The following ERCC6L2 variants were observed in gnomAD, a reference collection of about 807,000 sequenced individuals.
The protein encoded by ERCC6L2 is DNA excision repair protein ERCC-6-like 2.
ERCC6L2 carries 77 observed loss-of-function variants against 132.0 expected under a neutral mutation model. The ratio of observed to expected loss-of-function variants is 0.58; its 90% CI spans 0.49 to 0.71. The LOEUF (loss-of-function observed/expected upper bound fraction) is 0.71, where lower values mean the gene tolerates loss of function less well. ERCC6L2 is among the 30% of genes least tolerant of loss of function. ERCC6L2 has a pLI of 0.00. For synonymous variants in ERCC6L2, 583 were observed against 632.4 expected, an observed-to-expected ratio of 0.92 and a Z score of 1.17; for missense variants, 1,542 against 1,837.6, an observed-to-expected ratio of 0.84 and a Z score of 2.94.
intron 19 of ERCC6L2, among the ~76,000 whole-genome samples, chr9:96,026,896 CACACACTACACCAA>C (rs1834379139): frequency 1.4e-5 from 2 of 144,102 alleles, no homozygotes. Context: ...CATACCACAA[CACACACTACACCAA>C]ACACACCACA....
intron 12 of ERCC6L2, among the ~76,000 whole-genome samples, chr9:95,944,522 T>G (rs1433921130): frequency 6.6e-6 from 1 of 152,188 alleles, no homozygotes; most frequent in South Asian, 2.1e-4. Context: ...GTAAATCGTT[T>G]TGTATGTTTT....
intron 4 of ERCC6L2, among the ~76,000 whole-genome samples, chr9:95,909,192 T>G (rs958478341): frequency 2.0e-5 from 3 of 152,194 alleles, no homozygotes; most frequent in African/African-American, 7.2e-5. Context: ...ACTTTTTCTG[T>G]AAAGGGCCAG....
At chr9:96,007,797 A>C (rs921497630) in intron 18 of ERCC6L2, among the ~76,000 whole-genome samples, 1 of 152,166 alleles carries the variant, frequency 6.6e-6, no homozygotes, top group Non-Finnish European at 1.5e-5. Flanking sequence ...GGCCAGTGGT[A>C]ATGGATGACA....
rs546718068 is a variant in ERCC6L2 at position 95,982,372 on chromosome 9, G to A, written c.3492+4157G>A. On this transcript the variant is annotated intron_variant, in intron 17 of 18. Transcript: ENST00000653738. Reference sequence around the variant, plus strand: ...TACTTAAAGGATTTCTGTGAGCTACGGTGGGTTTGATTGCAGTATGTTTAT... The same window carrying A: ...TACTTAAAGGATTTCTGTGAGCTACAGTGGGTTTGATTGCAGTATGTTTAT... Among the ~76,000 whole-genome samples, 22 of 152,152 alleles carry A rather than the reference G, an allele frequency of 1.4e-4. No homozygotes were observed. The South Asian group carries it at 2.1e-3, about 14-fold the overall frequency.
At chr9:95,974,346 A>G (rs1832568192) in intron 16 of ERCC6L2, among the ~76,000 whole-genome samples, 1 of 152,196 alleles carries the variant, frequency 6.6e-6, no homozygotes, top group African/African-American at 2.4e-5. Flanking sequence ...ATATGCCATA[A>G]GGATGACCCA....
rs1259835262 is a variant in ERCC6L2 at position 95,928,733 on chromosome 9, A to G, written c.1620A>G (p.Leu540=). Residue 540 remains leucine (L), a synonymous_variant, in exon 11 of 19, where the codon CTA becomes CTG. Transcript: ENST00000653738. ...CTCTCGTCTAGTTGCTTGACGTGCT[A>G]CAGCAGTACTGTATGGCGTCTGGGC... ...FSFSTKLLDV[L]QQYCMASGLD... is the part of the protein sequence containing the mutation. The G allele has an allele frequency of 1.2e-6, 2 of 1,602,290 alleles. No homozygotes were observed. Among genetic ancestry groups the G allele is most frequent in the Non-Finnish European group, 8.5e-7 (1 of 1,176,092 alleles).
At chr9:95,906,610 G>A (rs1353993925) in intron 3 of ERCC6L2, 4 of 453,572 alleles carry the variant, frequency 8.8e-6, no homozygotes, top group South Asian at 6.3e-5. Context: ...TTCTTTAACT[G>A]AGAGTATCTG....
intron 3 of ERCC6L2, among the ~76,000 whole-genome samples, chr9:95,900,277 A>G (rs907470670): frequency 2.0e-5 from 3 of 151,998 alleles, no homozygotes; most frequent in South Asian, 2.1e-4. Context: ...GGTCTCAGCT[A>G]CTGGGGAGGC....
At chr9:95,921,342 T>C (rs1210764176) in intron 7 of ERCC6L2, 27 bp downstream of exon 7, 1 of 1,591,224 alleles carries the variant, frequency 6.3e-7, no homozygotes, top group African/African-American at 1.4e-5. Flanking sequence ...ATCTTTATAA[T>C]CATGCTTTTG....
chr9:95,982,723 A>G (rs1832941382), intron 17 of ERCC6L2, among the ~76,000 whole-genome samples: 1 of 152,106 alleles, frequency 6.6e-6, no homozygotes, highest in African/African-American at 2.4e-5. Context: ...ATATATATAT[A>G]TGAAATTATG....
intron 17 of ERCC6L2, among the ~76,000 whole-genome samples, chr9:95,997,389 C>T (rs1833507801): frequency 6.6e-6 from 1 of 151,908 alleles, no homozygotes; most frequent in South Asian, 2.1e-4. Context: ...TGAACTGCTG[C>T]AATCTCATGA....
Position 95,973,105 on chromosome 9 carries a change from T to TTAA in ERCC6L2, c.3337+17_3337+18insTAA, listed in dbSNP as rs777098232. The TTAA allele has an allele frequency of 5.4e-6, 7 of 1,284,654 alleles. No individual in the cohort carries two copies. The South Asian group carries it at 9.4e-5, about 17-fold the overall frequency. The allele number at this position is 1,284,654 out of a possible 1,614,324, so 79.6% of individuals were successfully genotyped here. On this transcript the variant is annotated intron_variant, in intron 16 of 18. Transcript: ENST00000653738. The stretch of plus-strand genomic sequence containing the variant: ...AATTTTTAGGTAACTAAAGACACAT[T>TTAA]CTCAAAACTTTAAAAAGTATATTTG...
intron 4 of ERCC6L2, among the ~76,000 whole-genome samples, chr9:95,913,912 C>G (rs1246391522): frequency 1.3e-5 from 2 of 152,200 alleles, no homozygotes; most frequent in Non-Finnish European, 2.9e-5. Flanking sequence ...AGCTGATGGA[C>G]ATTTAATTGT....
downstream of ERCC6L2, chr9:96,019,987 C>T (rs967963564): frequency 2.6e-5 from 4 of 152,250 alleles, no homozygotes; most frequent in African/African-American, 7.2e-5. Context: ...AGTTCCAGAC[C>T]AGCCTAACCA....
intron 1 of ERCC6L2, 78 bp downstream of exon 1, chr9:95,876,162 C>T (rs980640407): frequency 7.1e-6 from 10 of 1,407,650 alleles, no homozygotes; most frequent in Non-Finnish European, 3.9e-6. Flanking sequence ...CGGTGCCCTT[C>T]GGGTTGGGGT....
At chr9:95,909,429 G>GAAAAAA (rs1464325529) in intron 4 of ERCC6L2, among the ~76,000 whole-genome samples, 4 of 152,014 alleles carry the variant, frequency 2.6e-5, no homozygotes, top group African/African-American at 9.7e-5. Flanking sequence ...ATCATCCCAG[G>GAAAAAA]ACTTTTCTTT....
intron 19 of ERCC6L2, among the ~76,000 whole-genome samples, chr9:96,028,974 A>C (rs988100330): frequency 1.1e-4 from 17 of 152,182 alleles, no homozygotes; most frequent in Non-Finnish European, 2.2e-4. Flanking sequence ...ATTCATAAGA[A>C]GGGAAAAGCC....
chr9:96,037,334 T>A (rs1834531794), intron 19 of ERCC6L2, among the ~76,000 whole-genome samples: 1 of 152,156 alleles, frequency 6.6e-6, no homozygotes, highest in Non-Finnish European at 1.5e-5. Context: ...TGTGGTATGA[T>A]CTCCAGCCAA....
At chr9:95,895,710 A>G (rs1403492580) in intron 2 of ERCC6L2, among the ~76,000 whole-genome samples, 2 of 150,598 alleles carry the variant, frequency 1.3e-5, no homozygotes, top group African/African-American at 2.4e-5. Context: ...TCTGACTCAT[A>G]TACATTTGTT....
Sources: allele counts gnomAD v4.1 joint callset (sites outside exome capture counted in the v4.1 genomes callset), GRCh38; gene constraint gnomAD v4.1.1; transcripts MANE v1.5; gene names NCBI Gene and HGNC (gene_info 2026-07-23, HGNC 2026-07-21).